RRM1: variants seen among roughly 807,000 people sequenced by gnomAD.
The protein encoded by RRM1 is ribonucleoside-diphosphate reductase large subunit.
RRM1 carries 19 observed loss-of-function variants against 101.5 expected under a neutral mutation model. The ratio of observed to expected loss-of-function variants is 0.19; its 90% confidence interval spans 0.13 to 0.27. The LOEUF is 0.27. Among genes scored for constraint, RRM1 ranks in the 10% least tolerant of loss-of-function variants. RRM1 has a pLI of 1.00. For synonymous variants in RRM1, 298 were observed against 323.4 expected, an observed-to-expected ratio of 0.92 and a Z score of 0.84; for missense variants, 500 against 962.9, an observed-to-expected ratio of 0.52 and a Z score of 6.36.
At chr11:4,095,179 C>G (rs1337746426) in intron 1 of RRM1, 148 bp downstream of exon 1, 2 of 984,824 alleles carry the variant, frequency 2.0e-6, no homozygotes, top group African/African-American at 3.2e-5. Context: ...TCAGCCCGCT[C>G]GGCCTTCTGT....
rs551099396 is a variant in RRM1, at chr11:4,104,694, CAG to C, written c.109-1348_109-1347del. On this transcript the variant is annotated intron_variant, in intron 2 of 18. Transcript: ENST00000300738. ...ATCTCACAAAGTGATTGTGAAATGTCAGAGATTATCAAAGTTGATAATTACTT... is the reference window on the plus strand; with the variant it reads ...ATCTCACAAAGTGATTGTGAAATGTCAGATTATCAAAGTTGATAATTACTT... Among the ~76,000 whole-genome samples the C allele has an allele frequency of 7.2e-5, 11 of 152,188 alleles. No individual in the cohort carries two copies. The South Asian group carries it at 2.1e-3, about 29-fold the overall frequency.
At chr11:4,111,335 C>T (rs1469662943) in intron 5 of RRM1, among the ~76,000 whole-genome samples, 2 of 150,434 alleles carry the variant, frequency 1.3e-5, no homozygotes, top group African/African-American at 4.9e-5. Context: ...GGCATGAACC[C>T]GGGAGGCAGA....
At chr11:4,130,086 A>ATATATATATATTT (rs1202870487) in intron 15 of RRM1, among the ~76,000 whole-genome samples, 20 of 99,434 alleles carry the variant, frequency 2.0e-4, no homozygotes, top group African/African-American at 1.1e-3. Context: ...ATATATATAT[A>ATATATATATATTT]TTTTTTTTTT....
intron 7 of RRM1, among the ~76,000 whole-genome samples, chr11:4,117,897 A>T (rs183440946): frequency 3.3e-5 from 5 of 152,218 alleles, no homozygotes; most frequent in African/African-American, 1.2e-4. Context: ...TGGTAGACGT[A>T]TCAAAGAATT....
intron 4 of RRM1, among the ~76,000 whole-genome samples, chr11:4,108,932 ACT>A (rs1393451484): frequency 3.3e-5 from 5 of 152,172 alleles, no homozygotes; most frequent in Non-Finnish European, 5.9e-5. Context: ...ATGTAGAAAC[ACT>A]GTCAGTATTT....
chr11:4,111,949 C>G lies in RRM1; in HGVS notation c.537C>G (p.His179Gln), dbSNP rs201413736. 5.6e-6 allele frequency: 9 copies of G among 1,613,932 alleles called. No homozygotes were observed. Among genetic ancestry groups the G allele is most frequent in the African/African-American group, 1.3e-5 (1 of 74,922 alleles). The change falls in exon 7 of 19, where the codon CAC (histidine) becomes CAG (glutamine). Residue 179 changes from histidine to glutamine, a missense_variant. Coordinates refer to ENST00000300738, the MANE Select transcript of RRM1 (RefSeq NM_001033.5). Reference protein sequence around the residue: ...HMLMRVSVGIHKEDIDAAIET... With the variant: ...HMLMRVSVGIQKEDIDAAIET... Reference sequence around the variant, plus strand: ...TGATGAGAGTATCTGTTGGGATCCACAAAGAAGACATTGATGCAGCAATTG... The same window carrying G: ...TGATGAGAGTATCTGTTGGGATCCAGAAAGAAGACATTGATGCAGCAATTG...
At chr11:4,120,114 A>G (rs959752290) in intron 9 of RRM1, 186 bp downstream of exon 9, 1 of 510,976 alleles carries the variant, frequency 2.0e-6, no homozygotes, top group Non-Finnish European at 3.5e-6. Flanking sequence ...GTTTTGACAA[A>G]TGTATACACT....
chr11:4,098,499 G>C (rs747226506), intron 1 of RRM1, among the ~76,000 whole-genome samples: 11 of 151,702 alleles, frequency 7.3e-5, no homozygotes, highest in Non-Finnish European at 4.4e-5. Flanking sequence ...GCTGTTCACC[G>C]GGATTGCAGT....
intron 18 of RRM1, among the ~76,000 whole-genome samples, chr11:4,137,634 C>A (rs1590737779): frequency 4.3e-5 from 1 of 23,474 alleles, no homozygotes; most frequent in African/African-American, 1.1e-4. Flanking sequence ...TGACTCCCCC[C>A]ACCTCCCTCC....
chr11:4,130,118 T>C (rs2094597433), intron 15 of RRM1, among the ~76,000 whole-genome samples: 1 of 131,984 alleles, frequency 7.6e-6, no homozygotes, highest in Non-Finnish European at 1.6e-5. Flanking sequence ...CTCAAAATAC[T>C]ATGGCTTAGT....
At chr11:4,133,450 A>C (rs1049420921) in intron 16 of RRM1, 113 bp from the exon 17 acceptor site, 1 of 586,446 alleles carries the variant, frequency 1.7e-6, no homozygotes, top group Non-Finnish European at 3.0e-6. Flanking sequence ...TTTACCAAGC[A>C]ATCTAGCATT....
chr11:4,123,063 T>C lies in RRM1; in HGVS notation c.1119-120T>C, dbSNP rs916409021. The C allele has an allele frequency of 5.5e-5, 44 of 802,450 alleles. No homozygotes were observed. In the African/African-American group the frequency reaches 6.8e-4, roughly 12 times the overall value. 49.7% of individuals were successfully genotyped at this position (802,450 alleles called of 1,614,324 possible). A position where few individuals can be genotyped will look rare whatever the true frequency, so the allele number is the denominator to read the frequency against. The stretch of plus-strand genomic sequence containing the variant: ...TAAATATCATATTCCTTTTTTTCTT[T>C]AGCAAAACTTAGAGAAAATTTAAGA... On this transcript the variant is annotated intron_variant, in intron 11 of 18. Transcript: ENST00000300738.
intron 18 of RRM1, among the ~76,000 whole-genome samples, chr11:4,136,863 C>T (rs934357513): frequency 6.6e-6 from 1 of 151,840 alleles, no homozygotes; most frequent in Admixed American, 6.6e-5. Flanking sequence ...GGAGGGTCAG[C>T]AGATAAACAA....
At chr11:4,109,553 T>C in intron 4 of RRM1, 91 bp from the exon 5 acceptor site, 2 of 900,958 alleles carry the variant, frequency 2.2e-6, no homozygotes, top group Non-Finnish European at 3.4e-6. Flanking sequence ...GTGTTGATTT[T>C]AGTTCTGGAG....
At chr11:4,133,486 T>A in intron 16 of RRM1, 77 bp from the exon 17 acceptor site, 2 of 852,568 alleles carry the variant, frequency 2.3e-6, no homozygotes, top group African/African-American at 3.4e-5. Context: ...GATTTTAGTT[T>A]AAGCTTCAAA....
In RRM1 at chr11:4,132,403, C is replaced by T; in HGVS notation, c.1887C>T (p.Val629=). The T allele has an allele frequency of 6.2e-7, 1 of 1,614,100 alleles. No homozygotes were observed. The highest frequency in any genetic ancestry group is 8.5e-7 in the Non-Finnish European group (1 of 1,179,988). Residue 629 remains valine, a synonymous_variant, in exon 16 of 19, where the codon GTC becomes GTT. Coordinates refer to ENST00000300738, the MANE Select transcript of RRM1 (RefSeq NM_001033.5). The surrounding 1 kb of genome is among the most constrained non-coding windows in gnomAD (Gnocchi z 4.1). ...PYTSNIYTRR[V]LSGEFQIVNP... ...CCAGCAACATCTATACTCGCAGAGT[C>T]TTGTCAGGAGAATTTCAGGTGAGCA...
intron 16 of RRM1, among the ~76,000 whole-genome samples, chr11:4,133,106 A>T (rs6578445): frequency 0.93 from 141,336 of 152,250 alleles, 65,708 homozygotes; most frequent in South Asian, 0.95. Flanking sequence ...TGTGTATAAA[A>T]CCAAGGTATA....
In RRM1 at chr11:4,100,075, G is replaced by A. The variant is rs1449391555; in HGVS notation, c.20-1918G>A. ...GCCAGTTAATTTACCCCATTTCAGA[G>A]TTAAATGCTGCAGATGTGAGCCTGA... On this transcript the variant is annotated intron_variant, in intron 1 of 18. Transcript: ENST00000300738. Among the ~76,000 whole-genome samples, 5 of 152,302 alleles carry A rather than the reference G, an allele frequency of 3.3e-5. No individual in the cohort carries two copies. The South Asian group carries it at 8.3e-4, about 25-fold the overall frequency.
Position 4,133,618 on chromosome 11 carries a change from A to G in RRM1, c.1961A>G (p.Glu654Gly), listed in dbSNP as rs746510056. ...DLTERGLWHEEMKNQIIACNG... is the reference protein window; with the variant it reads ...DLTERGLWHEGMKNQIIACNG... ...ACCGAGCGGGGCCTATGGCATGAAG[A>G]GATGAAAAACCAGATTATTGCATGC... Residue 654 changes from glutamate (E) to glycine (G), a missense_variant, in exon 17 of 19, where the codon GAG becomes GGG. Around this residue, in one of 9 missense-constraint regions of RRM1, gnomAD observed 79 missense variants for 176.4 expected, o/e 0.45. Coordinates refer to ENST00000300738, the MANE Select transcript of RRM1 (RefSeq NM_001033.5). The G allele has an allele frequency of 1.9e-6, 3 of 1,612,552 alleles. No individual in the cohort carries two copies. In the East Asian group the frequency reaches 6.7e-5, roughly 36 times the overall value.
Sources: gnomAD v4.1 joint callset for allele counts (sites outside exome capture counted in the v4.1 genomes callset) on GRCh38, gnomAD v4.1.1 for gene constraint, gnomAD v4.1.1 regional missense constraint, Gnocchi (gnomAD v3.1) non-coding constraint, MANE v1.5 for transcripts, NCBI Gene and HGNC (gene_info 2026-07-23, HGNC 2026-07-21) for gene names.